The following AKAP13 variants were observed in gnomAD, a reference collection of about 807,000 sequenced individuals.
The protein encoded by AKAP13 is A-kinase anchoring protein 13.
Under a neutral mutation model 264.5 loss-of-function variants are expected in AKAP13, and 80 were observed. The observed-to-expected ratio is 0.30, with a 90% CI of 0.25 to 0.36. AKAP13 has a LOEUF of 0.36. Ranked by LOEUF, AKAP13 falls within the 10% of genes least tolerant of loss-of-function variation. The pLI is 1.00. For synonymous variants in AKAP13, 1,380 were observed against 1,250.2 expected, an observed-to-expected ratio of 1.10 and a Z score of -2.19; for missense variants, 3,712 against 3,435.2, an observed-to-expected ratio of 1.08 and a Z score of -2.01.
intron 2 of AKAP13, among the ~76,000 whole-genome samples, chr15:85,498,202 A>ATATATATATATATATATATATATG (rs1466786021): frequency 8.1e-5 from 1 of 12,392 alleles, no homozygotes; most frequent in African/African-American, 2.4e-4. Flanking sequence ...GAAGTGAGAT[A>ATATATATATATATATATATATATG]TATATATATA....
At chr15:85,432,128 C>T (rs753839197) in intron 1 of AKAP13, among the ~76,000 whole-genome samples, 5 of 151,866 alleles carry the variant, frequency 3.3e-5, no homozygotes, top group African/African-American at 7.3e-5. Context: ...GTATTTTAGT[C>T]TAAGAACAAT....
chr15:85,529,421 AAAAT>A (rs1028804795), intron 3 of AKAP13, among the ~76,000 whole-genome samples: 1 of 152,178 alleles, frequency 6.6e-6, no homozygotes, highest in Non-Finnish European at 1.5e-5. Context: ...ACTCCGTCTC[AAAAT>A]AAATAAATAA....
rs550970623 is a variant in AKAP13 at position 85,534,918 on chromosome 15, C to G, written c.478+1038C>G. On this transcript the variant is annotated intron_variant, in intron 4 of 36. Coordinates refer to ENST00000394518, the MANE Select transcript of AKAP13 (RefSeq NM_007200.5). ...TAACATCCAGTTTCCCTTCTGAGTT[C>G]AAGTCCAATTGAACGATTTGGGAGT... The G allele has an allele frequency of 7.9e-5, 12 of 152,228 alleles. No homozygotes were observed. The South Asian group carries it at 2.5e-3, about 32-fold the overall frequency. 9.4% of individuals were successfully genotyped at this position (152,228 alleles called of 1,614,324 possible).
rs147682321 is a variant in AKAP13, at chr15:85,698,490, G to C, written c.5464+5039G>C. On this transcript the variant is annotated intron_variant, in intron 17 of 36. Coordinates refer to ENST00000394518, the MANE Select transcript of AKAP13 (RefSeq NM_007200.5). ...CAAAAAAAAAAAAAAAAAGGAGAGA[G>C]AGAATATAGGACAGATCAGAGGTTG... Among the ~76,000 whole-genome samples, 498 of 147,198 alleles carry C rather than the reference G, an allele frequency of 3.4e-3. 4 individuals carry two copies. Among genetic ancestry groups the C allele is most frequent in the Non-Finnish European group, 3.9e-3 (260 of 66,718 alleles).
intron 8 of AKAP13, among the ~76,000 whole-genome samples, chr15:85,615,242 A>T (rs544908079): frequency 1.3e-5 from 2 of 152,256 alleles, no homozygotes; most frequent in Non-Finnish European, 2.9e-5. Flanking sequence ...AGGGTTAAGG[A>T]AAGGAGCTGT....
intron 1 of AKAP13, among the ~76,000 whole-genome samples, chr15:85,464,666 G>C (rs954189269): frequency 6.6e-6 from 1 of 152,200 alleles, no homozygotes; most frequent in Non-Finnish European, 1.5e-5. Flanking sequence ...GTTAAATTGA[G>C]CTGCTCAAGC....
chr15:85,432,698 G>GA (rs1596148419), intron 1 of AKAP13, among the ~76,000 whole-genome samples: 2 of 152,028 alleles, frequency 1.3e-5, no homozygotes, highest in Admixed American at 1.3e-4. Context: ...AATACAAGGT[G>GA]AAAAAAATGG....
intron 2 of AKAP13, among the ~76,000 whole-genome samples, chr15:85,503,358 A>C (rs1236571923): frequency 6.6e-6 from 1 of 152,212 alleles, no homozygotes; most frequent in African/African-American, 2.4e-5. Context: ...ATTCTAAGTC[A>C]CGTGATTTCA....
At chr15:85,657,383 T>A (rs2083147692) in intron 11 of AKAP13, among the ~76,000 whole-genome samples, 3 of 152,172 alleles carry the variant, frequency 2.0e-5, no homozygotes, top group Admixed American at 2.0e-4. Context: ...AGTAATACCT[T>A]CTTACACTTT....
chr15:85,646,577 C>G (rs1007169725), intron 10 of AKAP13, among the ~76,000 whole-genome samples: 1 of 152,168 alleles, frequency 6.6e-6, no homozygotes, highest in African/African-American at 2.4e-5. Context: ...ACAGTGAACA[C>G]TTCTCAGTGG....
At position 85,669,249 on chromosome 15, in the gene AKAP13, TAATA is replaced by T. The variant is rs199974745; in HGVS notation, c.4993-466_4993-463del. 4.4e-3 allele frequency among the ~76,000 whole-genome samples: 666 copies of T among 152,186 alleles called. 4 individuals are homozygous for T. The highest frequency in any genetic ancestry group is 0.015 in the African/African-American group (617 of 41,536). ...TGAGACTCTGTCTAAAAAAAAATAA[TAATA>T]AATAAAGTAAAATCAGAATACTATT... On this transcript the variant is annotated intron_variant, in intron 13 of 36. Transcript: ENST00000394518.
chr15:85,415,310 G>C, intron 1 of AKAP13: 1 of 1,574,478 alleles, frequency 6.4e-7, no homozygotes, highest in Non-Finnish European at 8.7e-7. Flanking sequence ...AGCTAGGAGT[G>C]GGAATAGCTT....
chr15:85,438,464 CTACTT>C (rs1453307139), intron 1 of AKAP13, among the ~76,000 whole-genome samples: 2 of 151,094 alleles, frequency 1.3e-5, no homozygotes, highest in African/African-American at 2.4e-5. Flanking sequence ...TTGGAAAAAA[CTACTT>C]TAAAGTTCAT....
At chr15:85,489,282 C>T (rs1417589473) in intron 2 of AKAP13, among the ~76,000 whole-genome samples, 1 of 152,226 alleles carries the variant, frequency 6.6e-6, no homozygotes, top group Non-Finnish European at 1.5e-5. Flanking sequence ...AGTTAATACA[C>T]TAAGTGCTTT....
chr15:85,482,732 A>G (rs77017717), intron 1 of AKAP13, among the ~76,000 whole-genome samples: 20,991 of 152,250 alleles, frequency 0.14, 1,850 homozygotes, highest in Non-Finnish European at 0.2. Context: ...GGGAAATAGT[A>G]TCTTTTTAGT....
At chr15:85,577,975 C>T in intron 6 of AKAP13, 1 of 253,620 alleles carries the variant, frequency 3.9e-6, no homozygotes, top group Non-Finnish European at 6.2e-6. Flanking sequence ...TAGACTCTGC[C>T]CTTCTGAAGA....
chr15:85,574,072 A>T (rs2078923141), intron 5 of AKAP13, among the ~76,000 whole-genome samples: 1 of 152,220 alleles, frequency 6.6e-6, no homozygotes, highest in South Asian at 2.1e-4. Flanking sequence ...TGTACCCAGA[A>T]ATCTCTAACT....
intron 1 of AKAP13, among the ~76,000 whole-genome samples, chr15:85,389,599 G>T (rs1024798248): frequency 2.0e-5 from 3 of 152,184 alleles, no homozygotes; most frequent in Non-Finnish European, 2.9e-5. Flanking sequence ...TTCATTACAG[G>T]ATTCTCAAAA....
chr15:85,483,855 A>AT (rs990830432), intron 1 of AKAP13, among the ~76,000 whole-genome samples: 2 of 152,042 alleles, frequency 1.3e-5, no homozygotes, highest in South Asian at 2.1e-4. Flanking sequence ...TTTTTTTGCA[A>AT]TTTTTTTTAA....
Sources: allele counts gnomAD v4.1 joint callset (sites outside exome capture counted in the v4.1 genomes callset), GRCh38; gene constraint gnomAD v4.1.1; transcripts MANE v1.5; gene names NCBI Gene and HGNC (gene_info 2026-07-23, HGNC 2026-07-21).